The following PRKCA variants were observed in gnomAD, a reference collection of about 807,000 sequenced individuals.
PRKCA encodes the protein protein kinase C alpha type.
A neutral mutation model predicts 87.0 loss-of-function variants in PRKCA; 27 were observed. The ratio of observed to expected loss-of-function variants is 0.31; its 90% CI spans 0.23 to 0.43. The LOEUF (loss-of-function observed/expected upper bound fraction) is 0.43, where lower values mean the gene tolerates loss of function less well. Ranked by LOEUF, PRKCA falls within the 20% of genes least tolerant of loss-of-function variation. PRKCA has a pLI of 1.00. For synonymous variants in PRKCA, 329 were observed against 311.1 expected (o/e 1.06, Z -0.61); for missense variants, 518 against 852.3 (o/e 0.61, Z 4.88).
chr17:66,766,512 C>T (rs1369004806), intron 13 of PRKCA, among the ~76,000 whole-genome samples: 2 of 152,154 alleles, frequency 1.3e-5, no homozygotes, highest in Non-Finnish European at 2.9e-5. Context: ...TTACCTGATA[C>T]ACACAGCAAC....
rs149651685 is a variant in PRKCA at position 66,402,390 on chromosome 17, GAA to G, written c.206-93808_206-93807del. On this transcript the variant is annotated intron_variant, in intron 2 of 16. Transcript: ENST00000413366. The stretch of plus-strand genomic sequence containing the variant: ...TTCAGGAAACTTAGAAGGAAAGAGA[GAA>G]AAGTGAAAAAGAGGCCAAGAAATTT... 5.8e-4 allele frequency among the ~76,000 whole-genome samples: 84 copies of G among 145,486 alleles called. No individual in the cohort carries two copies. The East Asian group carries it at 0.017, about 29-fold the overall frequency.
chr17:66,572,661 G>A (rs965976883), intron 3 of PRKCA, among the ~76,000 whole-genome samples: 1 of 151,950 alleles, frequency 6.6e-6, no homozygotes, highest in African/African-American at 2.4e-5. Flanking sequence ...CACCATGCCT[G>A]GCTTTTTGAT....
intron 2 of PRKCA, among the ~76,000 whole-genome samples, chr17:66,392,269 G>T (rs540358782): frequency 6.6e-6 from 1 of 151,938 alleles, no homozygotes; most frequent in African/African-American, 2.4e-5. Context: ...AGAGGACTAC[G>T]TGCTTTGGGA....
chr17:66,335,914 A>G (rs1207612149), intron 2 of PRKCA, among the ~76,000 whole-genome samples: 1 of 152,182 alleles, frequency 6.6e-6, no homozygotes. Context: ...ATATCATCAC[A>G]TTACCCTCAG....
At chr17:66,377,089 G>A (rs1206024952) in intron 2 of PRKCA, among the ~76,000 whole-genome samples, 1 of 152,010 alleles carries the variant, frequency 6.6e-6, no homozygotes, top group Non-Finnish European at 1.5e-5. Flanking sequence ...GCAATGGCAT[G>A]ATCTCAGCTC....
intron 3 of PRKCA, among the ~76,000 whole-genome samples, chr17:66,542,910 G>A (rs1317939904): frequency 6.6e-6 from 1 of 152,118 alleles, no homozygotes; most frequent in Admixed American, 6.5e-5. Flanking sequence ...GAGTCAATGA[G>A]GTATTTTTCA....
At chr17:66,769,744 A>C (rs1028153769) in intron 13 of PRKCA, among the ~76,000 whole-genome samples, 1 of 152,200 alleles carries the variant, frequency 6.6e-6, no homozygotes, top group Non-Finnish European at 1.5e-5. Context: ...TTAGACTATT[A>C]TTTTAGAGAA....
intron 5 of PRKCA, among the ~76,000 whole-genome samples, chr17:66,671,111 T>C (rs1474305707): frequency 1.4e-5 from 2 of 139,920 alleles, no homozygotes; most frequent in African/African-American, 5.4e-5. Context: ...CTTGGGAGGC[T>C]GAGGTAGGAG....
At chr17:66,405,279 C>T (rs1156264372) in intron 2 of PRKCA, among the ~76,000 whole-genome samples, 1 of 152,192 alleles carries the variant, frequency 6.6e-6, no homozygotes, top group African/African-American at 2.4e-5. Flanking sequence ...ACCTGCTGTC[C>T]CTGAAGTGCC....
chr17:66,632,618 G>T (rs560050194), intron 3 of PRKCA, among the ~76,000 whole-genome samples: 2 of 151,916 alleles, frequency 1.3e-5, no homozygotes, highest in Non-Finnish European at 2.9e-5. Context: ...GAGCTCAAAC[G>T]ATCCTCCCAA....
intron 2 of PRKCA, among the ~76,000 whole-genome samples, chr17:66,313,611 G>A (rs888825861): frequency 7.2e-5 from 11 of 152,190 alleles, no homozygotes; most frequent in Non-Finnish European, 1.5e-4. Flanking sequence ...AGTAAAACCA[G>A]CTTTTAGTAC....
At chr17:66,529,182 C>G (rs946053115) in intron 3 of PRKCA, among the ~76,000 whole-genome samples, 6 of 152,142 alleles carry the variant, frequency 3.9e-5, no homozygotes, top group Non-Finnish European at 8.8e-5. Context: ...GCTAAAAACA[C>G]GTTTTTAAAC....
intron 2 of PRKCA, among the ~76,000 whole-genome samples, chr17:66,495,501 T>A (rs1195397820): frequency 7.0e-6 from 1 of 143,884 alleles, no homozygotes; most frequent in Admixed American, 7.1e-5. Context: ...TGTGTGTTAG[T>A]GTGTTGCTAT....
intron 16 of PRKCA, among the ~76,000 whole-genome samples, chr17:66,798,453 CGGTGGTGGT>C (rs1165425981): frequency 1.4e-3 from 12 of 8,734 alleles, no homozygotes; most frequent in Non-Finnish European, 1.8e-3. Context: ...GTGGTGGTGA[CGGTGGTGGT>C]GGTGGTGGTG....
At chr17:66,774,482 G>A (rs527757742) in intron 14 of PRKCA, 12 of 706,898 alleles carry the variant, frequency 1.7e-5, no homozygotes, top group African/African-American at 9.3e-5. Flanking sequence ...TTAGCCAGGC[G>A]TGGTGGTGCA....
intron 2 of PRKCA, among the ~76,000 whole-genome samples, chr17:66,467,416 C>T (rs1598697445): frequency 6.6e-6 from 1 of 152,142 alleles, no homozygotes; most frequent in African/African-American, 2.4e-5. Flanking sequence ...TAAATGATGG[C>T]TTTTGACTAA....
At chr17:66,659,175 A>G (rs899178282) in intron 5 of PRKCA, among the ~76,000 whole-genome samples, 1 of 152,108 alleles carries the variant, frequency 6.6e-6, no homozygotes, top group Non-Finnish European at 1.5e-5. Context: ...GGTGGTGCCA[A>G]TAAGTGTGCC....
chr17:66,478,121 G>T lies in PRKCA; in HGVS notation c.206-18080G>T, dbSNP rs1179163761. Among the ~76,000 whole-genome samples the T allele has an allele frequency of 2.0e-5, 3 of 152,172 alleles. No individual in the cohort carries two copies. The East Asian group carries it at 5.8e-4, about 29-fold the overall frequency. On this transcript the variant is annotated intron_variant, in intron 2 of 16. Coordinates refer to ENST00000413366, the MANE Select transcript of PRKCA (RefSeq NM_002737.3). ...GGGGAAGGAGGAAGAAATTGTAAAA[G>T]GTGTTGGTAGATAAGAGGCAGAGAG...
chr17:66,708,351 C>A (rs1479874972), intron 8 of PRKCA, among the ~76,000 whole-genome samples: 1 of 152,148 alleles, frequency 6.6e-6, no homozygotes, highest in Non-Finnish European at 1.5e-5. Flanking sequence ...GGAAGGATTC[C>A]CTGGGACCTC....
Sources: allele counts gnomAD v4.1 joint callset (sites outside exome capture counted in the v4.1 genomes callset), GRCh38; gene constraint gnomAD v4.1.1; transcripts MANE v1.5; gene names NCBI Gene and HGNC (gene_info 2026-07-23, HGNC 2026-07-21).